Variants in ZCCHC4 observed in about 807,000 individuals in gnomAD.
ZCCHC4 encodes the protein zinc finger CCHC-type containing 4.
In ZCCHC4, 54 loss-of-function variants were observed where a neutral mutation model predicts 67.7. That is an observed-to-expected ratio of 0.80 (90% CI 0.64 to 1.00). The LOEUF (loss-of-function observed/expected upper bound fraction) is 1.00. Ranked by LOEUF, ZCCHC4 falls within the 50% of genes least tolerant of loss-of-function variation. The pLI is 0.00. For missense variants in ZCCHC4, 609 were observed against 617.0 expected, an observed-to-expected ratio of 0.99 and a Z score of 0.14; for synonymous variants, 198 against 213.5, an observed-to-expected ratio of 0.93 and a Z score of 0.63.
At chr4:25,330,605 T>C (rs932872442) in intron 3 of ZCCHC4, among the ~76,000 whole-genome samples, 2 of 152,206 alleles carry the variant, frequency 1.3e-5, no homozygotes, top group African/African-American at 4.8e-5. Flanking sequence ...AAATATTTAT[T>C]ATCTGATCCT....
chr4:25,345,307 T>G (rs146951640), intron 5 of ZCCHC4, among the ~76,000 whole-genome samples: 1 of 152,312 alleles, frequency 6.6e-6, no homozygotes, highest in Non-Finnish European at 1.5e-5. Flanking sequence ...TAGGAACATG[T>G]GTGTTTTATA....
intron 3 of ZCCHC4, 119 bp downstream of exon 3, chr4:25,315,519 A>T (rs1458179985): frequency 8.7e-6 from 6 of 686,506 alleles, no homozygotes; most frequent in South Asian, 3.7e-5. Context: ...TACATATATA[A>T]TATAAAATTT....
chr4:25,337,218 G>A (rs767146084), intron 5 of ZCCHC4, among the ~76,000 whole-genome samples: 4 of 152,120 alleles, frequency 2.6e-5, no homozygotes, highest in African/African-American at 7.2e-5. Context: ...ATCCAATCAC[G>A]TAAAAGAGAA....
At chr4:25,360,918 A>G (rs1366638202) in intron 8 of ZCCHC4, among the ~76,000 whole-genome samples, 1 of 152,206 alleles carries the variant, frequency 6.6e-6, no homozygotes, top group Non-Finnish European at 1.5e-5. Context: ...AAAGTAGCCA[A>G]TGGGCTGAAC....
intron 3 of ZCCHC4, among the ~76,000 whole-genome samples, chr4:25,324,949 T>C (rs1718784910): frequency 6.6e-6 from 1 of 152,192 alleles, no homozygotes; most frequent in Non-Finnish European, 1.5e-5. Flanking sequence ...GGCATATAAT[T>C]TGAAATATTT....
intron 5 of ZCCHC4, among the ~76,000 whole-genome samples, chr4:25,340,485 C>T (rs1024234867): frequency 6.6e-6 from 1 of 151,954 alleles, no homozygotes; most frequent in African/African-American, 2.4e-5. Flanking sequence ...GGGTGTCTTG[C>T]GTTTCCATAT....
chr4:25,313,231 T>C (rs1195624784), intron 1 of ZCCHC4, among the ~76,000 whole-genome samples: 2 of 152,200 alleles, frequency 1.3e-5, no homozygotes. Context: ...CGTTGACAAG[T>C]ACTTGGGGAT....
At chr4:25,354,002 C>T (rs1428327343) in intron 8 of ZCCHC4, among the ~76,000 whole-genome samples, 1 of 152,064 alleles carries the variant, frequency 6.6e-6, no homozygotes, top group African/African-American at 2.4e-5. Context: ...CAGTTTTTGC[C>T]ATTCATTTTA....
At chr4:25,357,178 C>T (rs1464761254) in intron 8 of ZCCHC4, among the ~76,000 whole-genome samples, 1 of 152,224 alleles carries the variant, frequency 6.6e-6, no homozygotes, top group Non-Finnish European at 1.5e-5. Flanking sequence ...CCATATGACA[C>T]ACCTTCAGTT....
intron 8 of ZCCHC4, among the ~76,000 whole-genome samples, chr4:25,357,860 G>T (rs187502214): frequency 1.3e-5 from 2 of 152,306 alleles, no homozygotes; most frequent in African/African-American, 4.8e-5. Context: ...AACACAGATT[G>T]CTGGGCCCTA....
intron 7 of ZCCHC4, among the ~76,000 whole-genome samples, chr4:25,350,131 CCCATAGG>C (rs1369290634): frequency 6.6e-6 from 1 of 152,064 alleles, no homozygotes; most frequent in Non-Finnish European, 1.5e-5. Flanking sequence ...GGTTAGACAT[CCCATAGG>C]CTGATTGTGG....
chr4:25,362,822 A>G (rs1019186531), intron 10 of ZCCHC4, among the ~76,000 whole-genome samples: 1 of 152,080 alleles, frequency 6.6e-6, no homozygotes, highest in African/African-American at 2.4e-5. Flanking sequence ...CTATTTATTT[A>G]TTTATTTAGG....
chr4:25,318,588 C>T (rs1458752309), intron 3 of ZCCHC4, among the ~76,000 whole-genome samples: 1 of 151,686 alleles, frequency 6.6e-6, no homozygotes, highest in Non-Finnish European at 1.5e-5. Flanking sequence ...CTCCTGACCT[C>T]CGGTGGTCTG....
At chr4:25,333,529 AGTT>A in intron 4 of ZCCHC4, 71 bp downstream of exon 4, 1 of 1,506,946 alleles carries the variant, frequency 6.6e-7, no homozygotes, top group Non-Finnish European at 9.1e-7. Flanking sequence ...TTTATTAAGT[AGTT>A]ACTTACTCTG....
chr4:25,341,970 A>C (rs576050383), intron 5 of ZCCHC4, among the ~76,000 whole-genome samples: 4 of 152,308 alleles, frequency 2.6e-5, no homozygotes, highest in African/African-American at 9.6e-5. Context: ...GATGTGGATA[A>C]AGTTATTGTA....
Position 25,360,527 on chromosome 4 carries a change from C to T in ZCCHC4, c.1012-1332C>T, listed in dbSNP as rs189250802. Among the ~76,000 whole-genome samples the T allele has an allele frequency of 6.1e-4, 93 of 152,316 alleles. 1 individual carries two copies. Among genetic ancestry groups the T allele is most frequent in the African/African-American group, 2.1e-3 (87 of 41,578 alleles). Reference sequence around the variant, plus strand: ...ATTCATGAGAGCATGGCAGGACAGGCTACAGACATTGTGCATACGACTTGC... The same window carrying T: ...ATTCATGAGAGCATGGCAGGACAGGTTACAGACATTGTGCATACGACTTGC... On this transcript the variant is annotated intron_variant, in intron 8 of 12. Transcript: ENST00000302874.
intron 5 of ZCCHC4, among the ~76,000 whole-genome samples, chr4:25,342,377 AAAC>A (rs1719797218): frequency 6.6e-6 from 1 of 152,192 alleles, no homozygotes; most frequent in Non-Finnish European, 1.5e-5. Flanking sequence ...GAACAGCCTC[AAAC>A]TCCAGTGTTC....
intron 5 of ZCCHC4, 145 bp from the exon 6 acceptor site, chr4:25,345,403 C>T (rs1213206264): frequency 1.6e-6 from 1 of 614,846 alleles, no homozygotes; most frequent in Non-Finnish European, 2.9e-6. Flanking sequence ...TACAGATTCC[C>T]TGAAATTTTT....
rs796468124 is a variant in ZCCHC4 at position 25,359,866 on chromosome 4, C to T, written c.1012-1993C>T. Among the ~76,000 whole-genome samples, 5 of 152,346 alleles carry T rather than the reference C, an allele frequency of 3.3e-5. No homozygotes were observed. The highest frequency in any genetic ancestry group is 1.2e-4 in the African/African-American group (5 of 41,582). On this transcript the variant is annotated intron_variant, in intron 8 of 12. Coordinates refer to ENST00000302874, the MANE Select transcript of ZCCHC4 (RefSeq NM_024936.3). This position sits in a 1 kb window ranked among gnomAD's most constrained non-coding sequence, Gnocchi z 4.9. ...TTGATGAGGGAACTGGCCGAGGTTTCCCTCCCGAGGAGGCCACATGTGAAA... is the reference window on the plus strand; with the variant it reads ...TTGATGAGGGAACTGGCCGAGGTTTTCCTCCCGAGGAGGCCACATGTGAAA...
Sources: allele counts gnomAD v4.1 joint callset (sites outside exome capture counted in the v4.1 genomes callset), GRCh38; gene constraint gnomAD v4.1.1; non-coding constraint Gnocchi (gnomAD v3.1); transcripts MANE v1.5; gene names NCBI Gene and HGNC (gene_info 2026-07-23, HGNC 2026-07-21).